Variants in TAOK1 observed in about 807,000 individuals in gnomAD.
TAOK1 encodes serine/threonine-protein kinase TAO1.
TAOK1 carries 21 observed loss-of-function variants against 138.3 expected under a neutral mutation model. The observed-to-expected ratio is 0.15, with a 90% CI of 0.11 to 0.22. The LOEUF (loss-of-function observed/expected upper bound fraction) is 0.22. Ranked by LOEUF, TAOK1 falls within the 10% of genes least tolerant of loss-of-function variation. The probability of loss-of-function intolerance (pLI) is 1.00; values close to 1 mark genes in which losing one functional copy is unlikely to be tolerated. For missense variants in TAOK1, 651 were observed against 1,227.7 expected (o/e 0.53, Z 7.02); for synonymous variants, 361 against 398.4 (o/e 0.91, Z 1.12).
intron 3 of TAOK1, among the ~76,000 whole-genome samples, chr17:29,471,528 CG>C (rs1440018366): frequency 1.3e-5 from 2 of 151,866 alleles, no homozygotes; most frequent in African/African-American, 4.8e-5. Context: ...CCCCCCACCT[CG>C]GCCTCCCAAA....
chr17:29,501,596 A>G (rs2031532775), intron 12 of TAOK1, among the ~76,000 whole-genome samples: 1 of 152,158 alleles, frequency 6.6e-6, no homozygotes, highest in Non-Finnish European at 1.5e-5. Context: ...AGATAGCTCC[A>G]TTGCTTCCAA....
chr17:29,541,748 C>T (rs2032320705), intron 19 of TAOK1, among the ~76,000 whole-genome samples: 1 of 151,310 alleles, frequency 6.6e-6, no homozygotes, highest in African/African-American at 2.4e-5. Context: ...TCCACTCCAG[C>T]CCAGGCGACA....
chr17:29,408,797 C>T (rs1485758309), intron 1 of TAOK1, among the ~76,000 whole-genome samples: 1 of 151,976 alleles, frequency 6.6e-6, no homozygotes, highest in African/African-American at 2.4e-5. Flanking sequence ...ACTGCAACCT[C>T]CACCTCCTGG....
chr17:29,527,895 T>A (rs1335649232), intron 17 of TAOK1, among the ~76,000 whole-genome samples: 2 of 152,212 alleles, frequency 1.3e-5, no homozygotes, highest in African/African-American at 2.4e-5. Flanking sequence ...GCCAAAGATC[T>A]TCTGTCTCTA....
At chr17:29,474,292 A>G (rs2030895863) in intron 3 of TAOK1, among the ~76,000 whole-genome samples, 1 of 152,102 alleles carries the variant, frequency 6.6e-6, no homozygotes, top group East Asian at 1.9e-4. Context: ...TCATATATTC[A>G]CTGGAGTAGC....
chr17:29,436,247 A>G (rs1184313725), intron 1 of TAOK1, among the ~76,000 whole-genome samples: 1 of 152,262 alleles, frequency 6.6e-6, no homozygotes, highest in Non-Finnish European at 1.5e-5. Flanking sequence ...ACATGCTCCA[A>G]AGTTTTTTTC....
chr17:29,522,757 A>G (rs1439341198), intron 17 of TAOK1, among the ~76,000 whole-genome samples: 1 of 152,164 alleles, frequency 6.6e-6, no homozygotes, highest in Non-Finnish European at 1.5e-5. Flanking sequence ...GTGCCAGTAG[A>G]TAAGAATCAA....
At chr17:29,484,901 A>C (rs1298368429) in intron 8 of TAOK1, among the ~76,000 whole-genome samples, 1 of 152,166 alleles carries the variant, frequency 6.6e-6, no homozygotes, top group Non-Finnish European at 1.5e-5. Flanking sequence ...TATGATTCTC[A>C]ATGCAAATCC....
At chr17:29,413,097 G>A (rs1011330703) in intron 1 of TAOK1, among the ~76,000 whole-genome samples, 2 of 152,112 alleles carry the variant, frequency 1.3e-5, no homozygotes, top group Non-Finnish European at 2.9e-5. Context: ...TCAGAATTAA[G>A]ACACAAGAGG....
At chr17:29,406,474 T>TA (rs1904994587) in intron 1 of TAOK1, among the ~76,000 whole-genome samples, 1 of 152,124 alleles carries the variant, frequency 6.6e-6, no homozygotes, top group South Asian at 2.1e-4. Flanking sequence ...TGATTTGGGA[T>TA]GGGTATTTGG....
intron 1 of TAOK1, among the ~76,000 whole-genome samples, chr17:29,396,772 C>T (rs993957180): frequency 1.4e-5 from 2 of 147,694 alleles, no homozygotes; most frequent in African/African-American, 5.0e-5. Flanking sequence ...CCGTAGATCA[C>T]TTTAGGTCAG....
chr17:29,397,599 T>TCCCCCC (rs369574423), intron 1 of TAOK1, among the ~76,000 whole-genome samples: 1 of 57,598 alleles, frequency 1.7e-5, no homozygotes, highest in Non-Finnish European at 3.1e-5. Flanking sequence ...TGAGATTCCG[T>TCCCCCC]CCCCCCCCAA....
chr17:29,444,801 T>A (rs1213514931), intron 1 of TAOK1, among the ~76,000 whole-genome samples: 1 of 152,224 alleles, frequency 6.6e-6, no homozygotes, highest in East Asian at 1.9e-4. Context: ...ACTCCATGAA[T>A]ACAGTACATG....
At chr17:29,426,293 G>A (rs1284515597) in intron 1 of TAOK1, among the ~76,000 whole-genome samples, 1 of 152,182 alleles carries the variant, frequency 6.6e-6, no homozygotes. Context: ...TCTGCAGAGA[G>A]CGTATTGTTC....
intron 1 of TAOK1, among the ~76,000 whole-genome samples, chr17:29,423,845 C>T (rs987540929): frequency 2.6e-5 from 4 of 151,802 alleles, no homozygotes; most frequent in Admixed American, 6.6e-5. Flanking sequence ...GTCAGGAGTT[C>T]GAGACCAGCC....
chr17:29,462,310 A>T (rs1344953661), intron 2 of TAOK1, among the ~76,000 whole-genome samples: 2 of 152,214 alleles, frequency 1.3e-5, no homozygotes, highest in African/African-American at 4.8e-5. Flanking sequence ...GTCCAAAAGG[A>T]TCACTGTCTC....
At chr17:29,532,616 A>T (rs1191953967) in intron 18 of TAOK1, among the ~76,000 whole-genome samples, 1 of 151,962 alleles carries the variant, frequency 6.6e-6, no homozygotes, top group Non-Finnish European at 1.5e-5. Flanking sequence ...AATCCATTTA[A>T]CCCTGAGTGG....
chr17:29,443,649 C>A (rs1353308057), intron 1 of TAOK1, among the ~76,000 whole-genome samples: 1 of 152,048 alleles, frequency 6.6e-6, no homozygotes, highest in Non-Finnish European at 1.5e-5. Context: ...TTGTTAGTTT[C>A]TTTTTATTGT....
At chr17:29,405,224 G>C (rs1382248088) in intron 1 of TAOK1, among the ~76,000 whole-genome samples, 1 of 152,146 alleles carries the variant, frequency 6.6e-6, no homozygotes, top group Non-Finnish European at 1.5e-5. Context: ...GTGACCTCAG[G>C]TGATACACCC....
Sources: allele counts gnomAD v4.1 joint callset (sites outside exome capture counted in the v4.1 genomes callset), GRCh38; gene constraint gnomAD v4.1.1; transcripts MANE v1.5; gene names NCBI Gene and HGNC (gene_info 2026-07-23, HGNC 2026-07-21).